The following TMEM229B variants were observed in gnomAD, a reference collection of about 807,000 sequenced individuals.
TMEM229B encodes transmembrane protein 229B.
A neutral mutation model predicts 13.7 loss-of-function variants in TMEM229B; 6 were observed. The observed-to-expected ratio is 0.44, with a 90% confidence interval of 0.24 to 0.86. The LOEUF is 0.86. Ranked by LOEUF, TMEM229B falls within the 40% of genes least tolerant of loss-of-function variation. The probability of loss-of-function intolerance (pLI) is 0.23; values close to 1 mark genes in which losing one functional copy is unlikely to be tolerated. For missense variants in TMEM229B, 170 were observed against 236.0 expected (o/e 0.72, Z 1.83); for synonymous variants, 107 against 102.1 (o/e 1.05, Z -0.29).
At chr14:67,514,236 A>G (rs2033122907) in intron 1 of TMEM229B, among the ~76,000 whole-genome samples, 1 of 152,126 alleles carries the variant, frequency 6.6e-6, no homozygotes, top group South Asian at 2.1e-4. Context: ...AAACACCCCC[A>G]GGGAAACCCT....
At chr14:67,494,173 C>T (rs529114986) in intron 1 of TMEM229B, among the ~76,000 whole-genome samples, 70 of 152,234 alleles carry the variant, frequency 4.6e-4, no homozygotes, top group Non-Finnish European at 8.8e-4. Context: ...TAAAATATGG[C>T]GCCAAACAGC....
Position 67,522,218 on chromosome 14 carries a change from T to C in TMEM229B, c.-192+11418A>G, listed in dbSNP as rs144227620. ...AAAAAGGAAAGAAAGTTGGGGATTG[T>C]GCGGGAGAGCCCCATTCCACACATA... On this transcript the variant is annotated intron_variant, in intron 1 of 2. Coordinates refer to the TMEM229B transcript ENST00000554278. Among the ~76,000 whole-genome samples the C allele has an allele frequency of 7.7e-3, 1,173 of 152,238 alleles. 59 individuals are homozygous for C. The highest frequency in any genetic ancestry group is 0.071 in the Admixed American group (1,092 of 15,284).
chr14:67,485,854 G>A (rs2031845117), intron 2 of TMEM229B, among the ~76,000 whole-genome samples: 1 of 152,218 alleles, frequency 6.6e-6, no homozygotes, highest in Non-Finnish European at 1.5e-5. Flanking sequence ...GCTGATATGT[G>A]ACAAAAGCAA....
intron 2 of TMEM229B, among the ~76,000 whole-genome samples, chr14:67,479,943 A>G (rs950940746): frequency 1.3e-5 from 2 of 152,296 alleles, no homozygotes; most frequent in Non-Finnish European, 2.9e-5. Flanking sequence ...GATGATCCTA[A>G]CTGCCTGGGT....
intron 1 of TMEM229B, among the ~76,000 whole-genome samples, chr14:67,506,792 T>C (rs535303486): frequency 1.5e-3 from 221 of 152,306 alleles, no homozygotes; most frequent in African/African-American, 4.5e-3. Context: ...GAGACCATCC[T>C]GGCCAACGTG....
intron 1 of TMEM229B, among the ~76,000 whole-genome samples, chr14:67,502,851 T>C (rs1179208218): frequency 6.6e-6 from 1 of 152,190 alleles, no homozygotes; most frequent in Non-Finnish European, 1.5e-5. Context: ...ATACTTTCTG[T>C]GTGTAAAACC....
chr14:67,518,694 T>A (rs2033244646), upstream of TMEM229B, among the ~76,000 whole-genome samples: 1 of 152,250 alleles, frequency 6.6e-6, no homozygotes. Flanking sequence ...GGGTTTGCTC[T>A]TGTCCCCCAT....
In TMEM229B at chr14:67,473,433, A is replaced by G; in HGVS notation, c.491T>C (p.Val164Ala). Residue 164 changes from valine (V) to alanine (A), a missense_variant, in exon 3 of 3, where the codon GTC becomes GCC. Around this residue, in one of 4 missense-constraint regions of TMEM229B, gnomAD observed 70 missense variants for 60.9 expected, o/e 1.15. Coordinates refer to ENST00000554480, the MANE Select transcript of TMEM229B (RefSeq NM_001348543.2). The surrounding 1 kb of genome is among the most constrained non-coding windows in gnomAD (Gnocchi z 6.5). ...CCCGCTTCCTGCTCAGTCAGTCTTG[A>G]CATGGCCGTTGGCCAGGGCTAGGGC... is the stretch of plus-strand genomic sequence containing the variant. ...SGALALANGH[V>A]KTD 1 of 1,614,006 alleles carries G rather than the reference A, an allele frequency of 6.2e-7. No individual in the cohort carries two copies. Among genetic ancestry groups the G allele is most frequent in the Non-Finnish European group, 8.5e-7 (1 of 1,179,986 alleles).
chr14:67,522,439 T>C (rs2033305777), intron 1 of TMEM229B, among the ~76,000 whole-genome samples: 1 of 152,182 alleles, frequency 6.6e-6, no homozygotes. Flanking sequence ...AGGAGTATTG[T>C]TGAGGCGAGC....
At chr14:67,504,961 T>G (rs926363381) in intron 1 of TMEM229B, among the ~76,000 whole-genome samples, 15 of 152,194 alleles carry the variant, frequency 9.9e-5, no homozygotes, top group Non-Finnish European at 1.5e-4. Context: ...ATTGCTGTGT[T>G]GCTTTTATGA....
chr14:67,499,159 C>T (rs1159885853), intron 1 of TMEM229B, among the ~76,000 whole-genome samples: 2 of 152,172 alleles, frequency 1.3e-5, no homozygotes, highest in African/African-American at 4.8e-5. Context: ...CATGGCACAA[C>T]ACCCAGGTAA....
At chr14:67,507,408 C>G (rs2032866291) in intron 1 of TMEM229B, among the ~76,000 whole-genome samples, 2 of 151,872 alleles carry the variant, frequency 1.3e-5, no homozygotes, top group South Asian at 4.2e-4. Context: ...TTCTGGAGAC[C>G]CAAGTGGCAG....
chr14:67,479,267 G>T (rs560452703), intron 2 of TMEM229B, among the ~76,000 whole-genome samples: 1 of 151,184 alleles, frequency 6.6e-6, no homozygotes, highest in Non-Finnish European at 1.5e-5. Context: ...TTAGCTGGGC[G>T]TGGTGGCGTG....
chr14:67,481,531 A>G (rs1446347706), intron 2 of TMEM229B, among the ~76,000 whole-genome samples: 4 of 152,210 alleles, frequency 2.6e-5, no homozygotes, highest in Non-Finnish European at 5.9e-5. Flanking sequence ...AGAGAAAGGA[A>G]TAGGAGACAG....
At chr14:67,489,714 G>A (rs1022740622), upstream of TMEM229B, among the ~76,000 whole-genome samples, 1 of 152,192 alleles carries the variant, frequency 6.6e-6, no homozygotes, top group African/African-American at 2.4e-5. Context: ...TATGTAGCCG[G>A]GCGCGGTGGC....
intron 2 of TMEM229B, among the ~76,000 whole-genome samples, chr14:67,484,536 C>A (rs2031764052): frequency 6.6e-6 from 1 of 152,186 alleles, no homozygotes; most frequent in Non-Finnish European, 1.5e-5. Context: ...TCCCTGTAAT[C>A]ACACATCTTA....
Position 67,472,853 on chromosome 14 carries a change from G to C in TMEM229B, c.*567C>G, listed in dbSNP as rs886765823. On this transcript the variant is annotated 3_prime_UTR_variant, in exon 3 of 3. Transcript: ENST00000554480. ...GGGAGCAGCGCAGGGCCCTGGGGGA[G>C]GGGAGAGGAGCCAAGGGAGGGTCTC... 2.5e-5 allele frequency: 4 copies of C among 159,212 alleles called. No individual in the cohort carries two copies. Among genetic ancestry groups the C allele is most frequent in the African/African-American group, 9.6e-5 (4 of 41,468 alleles). The allele number at this position is 159,212 out of a possible 1,614,324, so 9.9% of individuals were successfully genotyped here. A position where few individuals can be genotyped will look rare whatever the true frequency, so the allele number is the denominator to read the frequency against.
At chr14:67,520,260 A>G (rs1036592468), upstream of TMEM229B, among the ~76,000 whole-genome samples, 50 of 152,304 alleles carry the variant, frequency 3.3e-4, no homozygotes, top group Non-Finnish European at 6.6e-4. Context: ...GGATGAATGT[A>G]TATTGACATG....
intron 1 of TMEM229B, among the ~76,000 whole-genome samples, chr14:67,506,134 T>C (rs1391578687): frequency 1.3e-5 from 2 of 152,214 alleles, no homozygotes; most frequent in Non-Finnish European, 2.9e-5. Context: ...GTGAGCACTT[T>C]CCTGCCCCTC....
Sources: gnomAD v4.1 joint callset for allele counts (sites outside exome capture counted in the v4.1 genomes callset) on GRCh38, gnomAD v4.1.1 for gene constraint, gnomAD v4.1.1 regional missense constraint, Gnocchi (gnomAD v3.1) non-coding constraint, MANE v1.5 for transcripts, NCBI Gene and HGNC (gene_info 2026-07-23, HGNC 2026-07-21) for gene names.